PTPN9: variants seen among roughly 807,000 people sequenced by gnomAD.
PTPN9 encodes protein tyrosine phosphatase non-receptor type 9, also known as tyrosine-protein phosphatase non-receptor type 9.
In PTPN9, 26 loss-of-function variants were observed where a neutral mutation model predicts 69.8. The ratio of observed to expected loss-of-function variants is 0.37; its 90% CI spans 0.27 to 0.52. PTPN9 has a LOEUF of 0.52. PTPN9 is among the 20% of genes least tolerant of loss of function. The pLI is 0.91. For missense variants in PTPN9, 549 were observed against 740.3 expected (o/e 0.74, Z 3.00); for synonymous variants, 274 against 272.5 (o/e 1.01, Z -0.05).
intron 1 of PTPN9, among the ~76,000 whole-genome samples, chr15:75,531,949 C>T (rs765673011): frequency 6.6e-6 from 1 of 152,010 alleles, no homozygotes; most frequent in Non-Finnish European, 1.5e-5. Flanking sequence ...GAATAAAACA[C>T]CAGAATAATA....
At chr15:75,537,858 A>G (rs80287723) in intron 1 of PTPN9, among the ~76,000 whole-genome samples, 2 of 151,728 alleles carry the variant, frequency 1.3e-5, no homozygotes, top group African/African-American at 2.4e-5. Flanking sequence ...CAGGCGTTCA[A>G]GACCAGCCTG....
At chr15:75,542,257 C>A (rs1053548397) in intron 1 of PTPN9, among the ~76,000 whole-genome samples, 1 of 152,072 alleles carries the variant, frequency 6.6e-6, no homozygotes, top group African/African-American at 2.4e-5. Flanking sequence ...GATAGAAAGT[C>A]TTTCTTGTTC....
intron 5 of PTPN9, among the ~76,000 whole-genome samples, chr15:75,516,832 C>T (rs1273207906): frequency 2.7e-5 from 4 of 150,890 alleles, no homozygotes; most frequent in African/African-American, 9.8e-5. Flanking sequence ...GCAACCTCTG[C>T]CTCCCAGGTT....
At chr15:75,577,317 TG>T (rs1424803979) in intron 1 of PTPN9, among the ~76,000 whole-genome samples, 2 of 152,212 alleles carry the variant, frequency 1.3e-5, no homozygotes, top group South Asian at 2.1e-4. Context: ...AAAGAGATTT[TG>T]TCCCTTTAAA....
intron 7 of PTPN9, 74 bp downstream of exon 7, chr15:75,505,601 T>G: frequency 8.9e-7 from 1 of 1,120,512 alleles, no homozygotes. Context: ...AAGTGAGGGG[T>G]GGAAGGAGCT....
intron 1 of PTPN9, among the ~76,000 whole-genome samples, chr15:75,552,159 G>A (rs1215085993): frequency 2.0e-5 from 3 of 152,074 alleles, no homozygotes; most frequent in African/African-American, 7.2e-5. Context: ...AGCACTTTGG[G>A]AGGCCGAGGT....
At chr15:75,540,912 T>TA (rs1373924659) in intron 1 of PTPN9, among the ~76,000 whole-genome samples, 35 of 147,696 alleles carry the variant, frequency 2.4e-4, no homozygotes, top group Non-Finnish European at 3.8e-4. Flanking sequence ...ACCTCGTCTC[T>TA]AAAAAAAAAA....
In PTPN9 at chr15:75,540,038, T is replaced by C. The variant is rs530238763; in HGVS notation, c.64-12777A>G. On this transcript the variant is annotated intron_variant, in intron 1 of 12. Transcript: ENST00000618819. ...TTTATTTATTAGGAAGTGTGAAGTA[T>C]AGAATTCCTTATGGCTAAGACCTAT... Among the ~76,000 whole-genome samples the C allele has an allele frequency of 3.3e-5, 5 of 152,326 alleles. No homozygotes were observed. The East Asian group carries it at 5.8e-4, about 18-fold the overall frequency.
intron 1 of PTPN9, among the ~76,000 whole-genome samples, chr15:75,562,899 T>C (rs1020052583): frequency 3.3e-5 from 5 of 152,272 alleles, no homozygotes; most frequent in African/African-American, 1.2e-4. Flanking sequence ...ACTCATTCTT[T>C]AGCAAACATA....
At chr15:75,475,273 C>A (rs1190850720) in intron 9 of PTPN9, among the ~76,000 whole-genome samples, 3 of 152,152 alleles carry the variant, frequency 2.0e-5, no homozygotes, top group Admixed American at 6.5e-5. Context: ...GGGCTACCAA[C>A]TCCACTTTGA....
At chr15:75,492,553 C>T (rs534427668) in intron 7 of PTPN9, among the ~76,000 whole-genome samples, 1 of 152,212 alleles carries the variant, frequency 6.6e-6, no homozygotes, top group African/African-American at 2.4e-5. Context: ...CACTCATATC[C>T]AAGTTTGGAT....
chr15:75,483,185 A>G (rs2074654595), intron 8 of PTPN9, among the ~76,000 whole-genome samples: 1 of 152,240 alleles, frequency 6.6e-6, no homozygotes, highest in South Asian at 2.1e-4. Flanking sequence ...TTGTTCCTGA[A>G]AAGATTAAAC....
intron 1 of PTPN9, among the ~76,000 whole-genome samples, chr15:75,538,650 G>A (rs571648156): frequency 1.3e-5 from 2 of 151,882 alleles, no homozygotes; most frequent in South Asian, 4.2e-4. Context: ...CCACTGCATG[G>A]CCCCCCAGCC....
chr15:75,538,830 G>A (rs1483248515), intron 1 of PTPN9, among the ~76,000 whole-genome samples: 1 of 152,136 alleles, frequency 6.6e-6, no homozygotes, highest in Non-Finnish European at 1.5e-5. Context: ...ATAAATATTT[G>A]TAGGATACAC....
At chr15:75,494,697 C>G (rs1311361684) in intron 7 of PTPN9, among the ~76,000 whole-genome samples, 1 of 151,774 alleles carries the variant, frequency 6.6e-6, no homozygotes, top group Admixed American at 6.6e-5. Flanking sequence ...TTTTTCCTTC[C>G]CTGGGCATTT....
At chr15:75,525,544 T>G (rs1282723684) in intron 2 of PTPN9, among the ~76,000 whole-genome samples, 1 of 151,906 alleles carries the variant, frequency 6.6e-6, no homozygotes, top group Non-Finnish European at 1.5e-5. Context: ...ACTTCCTTTT[T>G]CCGGAGACAT....
rs74026514 is a variant in PTPN9 at position 75,542,179 on chromosome 15, A to G, written c.64-14918T>C. The stretch of plus-strand genomic sequence containing the variant: ...AGAATCTTTCACAATGAGTTTACAA[A>G]CATTTTCTTCCTTTAAAAGATAACC... On this transcript the variant is annotated intron_variant, in intron 1 of 12. Coordinates refer to ENST00000618819, the MANE Select transcript of PTPN9 (RefSeq NM_002833.4). Among the ~76,000 whole-genome samples, 1,207 of 152,302 alleles carry G rather than the reference A, an allele frequency of 7.9e-3. 19 individuals are homozygous for G. Among genetic ancestry groups the G allele is most frequent in the African/African-American group, 0.028 (1,144 of 41,566 alleles).
chr15:75,490,858 C>A (rs1015305297), intron 7 of PTPN9, among the ~76,000 whole-genome samples: 3 of 152,134 alleles, frequency 2.0e-5, no homozygotes, highest in African/African-American at 7.2e-5. Context: ...ATCTCCTGAC[C>A]TCATGATCTG....
chr15:75,556,648 G>C (rs2075078743), intron 1 of PTPN9, among the ~76,000 whole-genome samples: 1 of 152,008 alleles, frequency 6.6e-6, no homozygotes. Flanking sequence ...AAAGTGCTGG[G>C]ATTCAGGTGT....
Sources: gnomAD v4.1 joint callset for allele counts (sites outside exome capture counted in the v4.1 genomes callset) on GRCh38, gnomAD v4.1.1 for gene constraint, MANE v1.5 for transcripts, NCBI Gene and HGNC (gene_info 2026-07-23, HGNC 2026-07-21) for gene names.